CASKIN2: variants seen among roughly 807,000 people sequenced by gnomAD.
The protein encoded by CASKIN2 is caskin-2.
A neutral mutation model predicts 107.1 loss-of-function variants in CASKIN2; 41 were observed. That is an observed-to-expected ratio of 0.38 (90% CI 0.30 to 0.50). The LOEUF (loss-of-function observed/expected upper bound fraction) is 0.50. Ranked by LOEUF, CASKIN2 falls within the 20% of genes least tolerant of loss-of-function variation. The pLI is 0.92. For synonymous variants in CASKIN2, 724 were observed against 705.6 expected (o/e 1.03, Z -0.41); for missense variants, 1,546 against 1,657.4 (o/e 0.93, Z 1.17).
In CASKIN2 at chr17:75,501,153, G is replaced by A. The variant is rs1403149127; in HGVS notation, c.3536C>T (p.Thr1179Ile). ...GCTGATGTCATCCAGAATGTGCTTG[G>A]TGGAGGCGCTGGGGGTGCTGCAGCA... ...KEQEGTPSAS[T>I]KHILDDISTM... Residue 1179 changes from threonine (T) to isoleucine (I), a missense_variant, in exon 20 of 20, where the codon ACC becomes ATC. Thr to Ile is a moderately conservative substitution (Grantham distance 89, BLOSUM62 -1). Coordinates refer to ENST00000321617, the MANE Select transcript of CASKIN2 (RefSeq NM_020753.5). 1.9e-6 allele frequency: 3 copies of A among 1,590,766 alleles called. No homozygotes were observed. The highest frequency in any genetic ancestry group is 2.7e-5 in the African/African-American group (2 of 74,554).
rs375329371 is a variant in CASKIN2, at chr17:75,505,834, C to T, written c.822G>A (p.Lys274=). ...CCCCGCACTCACCCCGCAGTAGCTG[C>T]TTGATTTCCCGGCTGGCCTGGGAGG... The part of the protein sequence containing the change: ...FTTSQASREI[K]QLLREASGIL... The change falls in exon 9 of 20, where the codon AAG becomes AAA. Residue 274 remains lysine (K), a synonymous_variant. Coordinates refer to ENST00000321617, the MANE Select transcript of CASKIN2 (RefSeq NM_020753.5). This position sits in a 1 kb window ranked among gnomAD's most constrained non-coding sequence, Gnocchi z 5.1. The T allele has an allele frequency of 1.8e-5, 29 of 1,613,374 alleles. No individual in the cohort carries two copies. In the East Asian group the frequency reaches 3.3e-4, roughly 19 times the overall value.
At position 75,501,913 on chromosome 17, in the gene CASKIN2, G is replaced by A. The variant is rs1260678578; in HGVS notation, c.3161C>T (p.Ala1054Val). 2 of 1,580,516 alleles carry A rather than the reference G, an allele frequency of 1.3e-6. No individual in the cohort carries two copies. The highest frequency in any genetic ancestry group is 1.7e-6 in the Non-Finnish European group (2 of 1,162,246). The change falls in exon 18 of 20, where the codon GCT (alanine) becomes GTT (valine). Residue 1054 changes from alanine (A) to valine (V), a missense_variant. By Grantham distance (64) the Ala-to-Val change is moderately conservative. This residue lies in a region of CASKIN2 where 1,311 missense variants were observed against 1,311.0 expected (regional missense o/e 1.00). Coordinates refer to ENST00000321617, the MANE Select transcript of CASKIN2 (RefSeq NM_020753.5). The stretch of plus-strand genomic sequence containing the variant: ...TGGAGGCTGCATGGCGGGGCTGGGA[G>A]CAAGGGGGGTTGGAACTCCTTGGGC... ...LPAQGVPTPLAPSPAMQPPVP... is the reference protein window; with the variant it reads ...LPAQGVPTPLVPSPAMQPPVP...
rs955210900 is a variant in CASKIN2 at position 75,502,913 on chromosome 17, C to T, written c.2161G>A (p.Gly721Ser). 26 of 1,558,138 alleles carry T rather than the reference C, an allele frequency of 1.7e-5. No individual in the cohort carries two copies. Among genetic ancestry groups the T allele is most frequent in the African/African-American group, 2.7e-5 (2 of 73,652 alleles). ...SQEQPAPQPSGGDPSPPQERN... is the reference protein window; with the variant it reads ...SQEQPAPQPSSGDPSPPQERN... ...TCCTGGGGGGGGCTGGGATCTCCAC[C>T]GCTGGGCTGTGGGGCAGGCTGTTCC... is the stretch of plus-strand genomic sequence containing the variant. The change falls in exon 18 of 20, where the codon GGT becomes AGT. Residue 721 changes from glycine (G) to serine (S), a missense_variant. Coordinates refer to ENST00000321617, the MANE Select transcript of CASKIN2 (RefSeq NM_020753.5). This position sits in a 1 kb window ranked among gnomAD's most constrained non-coding sequence, Gnocchi z 4.3.
At chr17:75,510,240 A>C (rs1007067722) in intron 2 of CASKIN2, among the ~76,000 whole-genome samples, 6 of 152,144 alleles carry the variant, frequency 3.9e-5, no homozygotes, top group Admixed American at 1.3e-4. Flanking sequence ...GGGCCAGGGC[A>C]ACTGTACCCC....
Position 75,502,411 on chromosome 17 carries a change from G to C in CASKIN2, c.2663C>G (p.Pro888Arg), listed in dbSNP as rs982640236. 9.5e-6 allele frequency: 14 copies of C among 1,469,320 alleles called. No homozygotes were observed. The African/African-American group carries it at 1.8e-4, about 19-fold the overall frequency. The allele number at this position is 1,469,320 out of a possible 1,614,324, so 91.0% of individuals were successfully genotyped here. The change falls in exon 18 of 20, where the codon CCA becomes CGA. Residue 888 changes from proline to arginine, a missense_variant. By Grantham distance (103) the Pro-to-Arg change is moderately radical. Coordinates refer to ENST00000321617, the MANE Select transcript of CASKIN2 (RefSeq NM_020753.5). This position sits in a 1 kb window ranked among gnomAD's most constrained non-coding sequence, Gnocchi z 4.3. ...SVSGPSPEPP[P>R]LDESPGPKEG... The stretch of plus-strand genomic sequence containing the variant: ...CTTGGGCCCTGGGCTCTCATCTAGT[G>C]GAGGTGGCTCCGGGCTGGGGCCAGA...
chr17:75,504,529 T>C (rs780172897), intron 12 of CASKIN2, 43 bp downstream of exon 12: 3 of 1,595,544 alleles, frequency 1.9e-6, no homozygotes, highest in Non-Finnish European at 1.7e-6. Context: ...GAACTGGCAG[T>C]GGGGAGTGAG....
At position 75,513,923 on chromosome 17, in the gene CASKIN2, A is replaced by G. The variant is rs556294372; in HGVS notation, c.-119T>C. 70 of 851,768 alleles carry G rather than the reference A, an allele frequency of 8.2e-5. No individual in the cohort carries two copies. In the East Asian group the frequency reaches 1.8e-3, roughly 21 times the overall value. The allele number at this position is 851,768 out of a possible 1,614,324, so 52.8% of individuals were successfully genotyped here. Reference sequence around the variant, plus strand: ...CTTGGAGGGCTCCCGGTTCCGGGGGAGCAAGTCAGGTGTCCCAGGCAGTGG... The same window carrying G: ...CTTGGAGGGCTCCCGGTTCCGGGGGGGCAAGTCAGGTGTCCCAGGCAGTGG... On this transcript the variant is annotated 5_prime_UTR_variant, in exon 2 of 20. Coordinates refer to ENST00000321617, the MANE Select transcript of CASKIN2 (RefSeq NM_020753.5).
intron 4 of CASKIN2, 80 bp downstream of exon 4, chr17:75,507,504 A>G: frequency 9.6e-7 from 1 of 1,043,742 alleles, no homozygotes. Context: ...ACGTTGTCAT[A>G]GGAGCAAGCT....
chr17:75,508,323 G>C, intron 2 of CASKIN2, 38 bp from the exon 3 acceptor site: 1 of 1,605,828 alleles, frequency 6.2e-7, no homozygotes, highest in Non-Finnish European at 8.5e-7. Context: ...GCCATCAGAT[G>C]ACTGCCCTCA....
intron 1 of CASKIN2, among the ~76,000 whole-genome samples, chr17:75,514,572 C>T (rs1395420960): frequency 6.6e-6 from 1 of 152,156 alleles, no homozygotes; most frequent in East Asian, 1.9e-4. Context: ...AGACAACTGG[C>T]GGGCCAGGAG....
rs377109891 is a variant in CASKIN2, at chr17:75,504,948, A to G, written c.1056T>C (p.Pro352=). The part of the protein sequence containing the change: ...VEVVSKRVGI[P]AARLPSAPTP... The stretch of plus-strand genomic sequence containing the variant: ...TGGGTGCGGAGGGGAGGCGGGCTGC[A>G]GGGATGCCCACCCGCTTGCTGACCA... The change falls in exon 11 of 20, where the codon CCT becomes CCC. Residue 352 remains proline (P), a synonymous_variant. Coordinates refer to ENST00000321617, the MANE Select transcript of CASKIN2 (RefSeq NM_020753.5). The G allele has an allele frequency of 4.3e-6, 7 of 1,611,134 alleles. No individual in the cohort carries two copies. The highest frequency in any genetic ancestry group is 5.9e-6 in the Non-Finnish European group (7 of 1,179,088).
rs202123651 is a variant in CASKIN2, at chr17:75,503,377, G to A, written c.1819+12C>T. On this transcript the variant is annotated intron_variant, in intron 17 of 19. Coordinates refer to ENST00000321617, the MANE Select transcript of CASKIN2 (RefSeq NM_020753.5). ...AGGTGGGGGCCCAGCCAGGCCTCAG[G>A]ACAGTCCTTACCGAGCTTGTTGACC... 5.9e-5 allele frequency: 95 copies of A among 1,610,678 alleles called. No homozygotes were observed. The Middle Eastern group carries it at 2.0e-3, about 34-fold the overall frequency.
In CASKIN2 at chr17:75,507,622, A is replaced by T; in HGVS notation, c.206T>A (p.Leu69Gln). Reference sequence around the variant, plus strand: ...GATGTCAACAGTGGCCTGAGCCTCTAGCAGCAAGGCTATGAGCTCCAGGCT... The same window carrying T: ...GATGTCAACAGTGGCCTGAGCCTCTTGCAGCAAGGCTATGAGCTCCAGGCT... ...GGSLELIALL[L>Q]EAQATVDIKD... Residue 69 changes from leucine (L) to glutamine (Q), a missense_variant, in exon 4 of 20, where the codon CTA becomes CAA. Around this residue, in one of 6 missense-constraint regions of CASKIN2, gnomAD observed 136 missense variants for 198.6 expected, o/e 0.68. Coordinates refer to ENST00000321617, the MANE Select transcript of CASKIN2 (RefSeq NM_020753.5). The T allele has an allele frequency of 1.2e-6, 2 of 1,613,290 alleles. No individual in the cohort carries two copies. The highest frequency in any genetic ancestry group is 1.7e-6 in the Non-Finnish European group (2 of 1,179,690).
chr17:75,502,805 T>G lies in CASKIN2; in HGVS notation c.2269A>C (p.Met757Leu). The change falls in exon 18 of 20, where the codon ATG becomes CTG. Residue 757 changes from methionine to leucine, a missense_variant. By Grantham distance (15) the Met-to-Leu change is conservative (BLOSUM62 2). This residue lies in a region of CASKIN2 where 1,311 missense variants were observed against 1,311.0 expected (regional missense o/e 1.00). Transcript: ENST00000321617. The surrounding 1 kb of genome is among the most constrained non-coding windows in gnomAD (Gnocchi z 4.3). ...PGQGPPPYVFMYPQGSPSSPA... is the reference protein window; with the variant it reads ...PGQGPPPYVFLYPQGSPSSPA... ...CTAGAGGGTGAGCCCTGGGGGTACA[T>G]AAAAACATAGGGTGGGGGTCCTTGG... The G allele has an allele frequency of 2.5e-6, 4 of 1,572,070 alleles. No individual in the cohort carries two copies. Among genetic ancestry groups the G allele is most frequent in the Non-Finnish European group, 3.5e-6 (4 of 1,159,414 alleles).
At position 75,500,602 on chromosome 17, in the gene CASKIN2, T is replaced by G; in HGVS notation, c.*478A>C. 1 of 171,222 alleles carries G rather than the reference T, an allele frequency of 5.8e-6. No individual in the cohort carries two copies. The highest frequency in any genetic ancestry group is 1.3e-4 in the South Asian group (1 of 7,752). 10.6% of individuals were successfully genotyped at this position (171,222 alleles called of 1,614,324 possible). On this transcript the variant is annotated 3_prime_UTR_variant, in exon 20 of 20. Transcript: ENST00000321617. Reference sequence around the variant, plus strand: ...CTGCCTGGGCACCACCGCTGTGTATTTACATGTCCTCTGTACACCTACGGA... The same window carrying G: ...CTGCCTGGGCACCACCGCTGTGTATGTACATGTCCTCTGTACACCTACGGA...
chr17:75,503,614 G>T (rs879241849), intron 16 of CASKIN2, 45 bp downstream of exon 16: 3 of 1,607,292 alleles, frequency 1.9e-6, no homozygotes, highest in Non-Finnish European at 2.5e-6. Context: ...CACAGCTGAG[G>T]GTGACAGCAC....
chr17:75,513,079 A>G (rs1186267022), intron 2 of CASKIN2, among the ~76,000 whole-genome samples: 1 of 152,186 alleles, frequency 6.6e-6, no homozygotes, highest in East Asian at 1.9e-4. Flanking sequence ...ACCATCTGCT[A>G]GAAGGCAACT....
At position 75,500,844 on chromosome 17, in the gene CASKIN2, C is replaced by T. The variant is rs2053169860; in HGVS notation, c.*236G>A. On this transcript the variant is annotated 3_prime_UTR_variant, in exon 20 of 20. Transcript: ENST00000321617. The stretch of plus-strand genomic sequence containing the variant: ...GCTGTCCTGCTCAATCGATCAAACC[C>T]TGGGAGGGGCTTTGCTGAGATGCAG... The T allele has an allele frequency of 1.9e-6, 1 of 529,924 alleles. No individual in the cohort carries two copies. The highest frequency in any genetic ancestry group is 3.4e-6 in the Non-Finnish European group (1 of 291,994). The allele number at this position is 529,924 out of a possible 1,614,324, so 32.8% of individuals were successfully genotyped here. A position where few individuals can be genotyped will look rare whatever the true frequency, so the allele number is the denominator to read the frequency against.
chr17:75,505,803 A>G lies in CASKIN2; in HGVS notation c.835+18T>C, dbSNP rs1212168447. The G allele has an allele frequency of 3.7e-6, 6 of 1,609,910 alleles. No homozygotes were observed. Among genetic ancestry groups the G allele is most frequent in the Non-Finnish European group, 5.1e-6 (6 of 1,178,220 alleles). ...CGGCCCCAGGCCCCCTGGGCAGGGTATCCTCCCCCGCACTCACCCCGCAGT... is the reference window on the plus strand; with the variant it reads ...CGGCCCCAGGCCCCCTGGGCAGGGTGTCCTCCCCCGCACTCACCCCGCAGT... On this transcript the variant is annotated intron_variant, in intron 9 of 19. Transcript: ENST00000321617. The surrounding 1 kb of genome is among the most constrained non-coding windows in gnomAD (Gnocchi z 5.1).
Sources: allele counts gnomAD v4.1 joint callset (sites outside exome capture counted in the v4.1 genomes callset), GRCh38; gene constraint gnomAD v4.1.1; regional missense constraint gnomAD v4.1.1; non-coding constraint Gnocchi (gnomAD v3.1); transcripts MANE v1.5; gene names NCBI Gene and HGNC (gene_info 2026-07-23, HGNC 2026-07-21).